Variants in CYFIP1 observed in about 807,000 individuals in gnomAD.
CYFIP1 encodes cytoplasmic FMR1 interacting protein 1, also known as cytoplasmic FMR1-interacting protein 1.
CYFIP1 carries 58 observed loss-of-function variants against 163.5 expected under a neutral mutation model. That is an observed-to-expected ratio of 0.35 (90% CI 0.29 to 0.44). The LOEUF is 0.44. Ranked by LOEUF, CYFIP1 falls within the 20% of genes least tolerant of loss-of-function variation. The pLI is 1.00. For synonymous variants in CYFIP1, 663 were observed against 660.7 expected, an observed-to-expected ratio of 1.00 and a Z score of -0.05; for missense variants, 1,338 against 1,653.8, an observed-to-expected ratio of 0.81 and a Z score of 3.31.
chr15:22,957,585 G>T (rs375397083), intron 1 of CYFIP1, among the ~76,000 whole-genome samples: 4 of 152,160 alleles, frequency 2.6e-5, no homozygotes, highest in Non-Finnish European at 5.9e-5. Flanking sequence ...GCAGTGAGCC[G>T]AGATCGTGTC....
At chr15:22,957,391 C>T (rs2062504020) in intron 1 of CYFIP1, among the ~76,000 whole-genome samples, 1 of 152,040 alleles carries the variant, frequency 6.6e-6, no homozygotes, top group South Asian at 2.1e-4. Context: ...AATCCCAGCA[C>T]TTTGGGAGGC....
intron 13 of CYFIP1, among the ~76,000 whole-genome samples, chr15:22,919,478 G>A (rs538128544): frequency 1.3e-5 from 2 of 152,244 alleles, no homozygotes; most frequent in African/African-American, 2.4e-5. Flanking sequence ...GCTTTCTTAC[G>A]GCTTTTGCCG....
chr15:22,918,703 G>A lies in CYFIP1; in HGVS notation c.1515C>T (p.Asn505=), dbSNP rs770508307. The part of the protein sequence containing the change: ...PLRQAIKKKK[N]VIQSVLQAIR... Reference sequence around the variant, plus strand: ...TGGGGAAGGCTGACCTCTGGATGACGTTCTTCTTCTTCTTGATGGCCTGCC... The same window carrying A: ...TGGGGAAGGCTGACCTCTGGATGACATTCTTCTTCTTCTTGATGGCCTGCC... The change falls in exon 14 of 31, where the codon AAC becomes AAT. Residue 505 remains asparagine (N), a synonymous_variant. Transcript: ENST00000617928. 13 of 1,601,290 alleles carry A rather than the reference G, an allele frequency of 8.1e-6. No homozygotes were observed. Among genetic ancestry groups the A allele is most frequent in the East Asian group, 2.2e-5 (1 of 44,540 alleles).
chr15:22,954,276 C>T (rs1156585407), intron 1 of CYFIP1, among the ~76,000 whole-genome samples: 1 of 152,066 alleles, frequency 6.6e-6, no homozygotes. Flanking sequence ...ACTCCCAGCT[C>T]CAGAACTGAG....
In CYFIP1 at chr15:22,873,703, G is replaced by A. The variant is rs1470909901; in HGVS notation, c.3237C>T (p.Asp1079=). The A allele has an allele frequency of 6.2e-7, 1 of 1,613,506 alleles. No homozygotes were observed. The highest frequency in any genetic ancestry group is 2.2e-5 in the East Asian group (1 of 44,880). ...AGCAGAGGCGCTCCTTTGTCAGCAG[G>A]TCCCCCTCTCTTGCGATGGCAATTT... ...PQQIAIAREG[D]LLTKERLCCG... The change falls in exon 29 of 31, where the codon GAC becomes GAT. Residue 1079 remains aspartate (D), a synonymous_variant. Transcript: ENST00000617928.
At chr15:22,888,911 C>T (rs2059994323) in intron 23 of CYFIP1, among the ~76,000 whole-genome samples, 1 of 151,848 alleles carries the variant, frequency 6.6e-6, no homozygotes, top group Non-Finnish European at 1.5e-5. Context: ...CGTGGTGGCA[C>T]ACTCCTGTAA....
chr15:22,893,315 C>T (rs1172780237), intron 22 of CYFIP1, among the ~76,000 whole-genome samples: 2 of 152,044 alleles, frequency 1.3e-5, no homozygotes, highest in Non-Finnish European at 2.9e-5. Context: ...CTGCCTGTGA[C>T]GAGAACGGCG....
intron 16 of CYFIP1, chr15:22,915,185 G>T: frequency 4.0e-6 from 1 of 249,418 alleles, no homozygotes; most frequent in East Asian, 8.2e-5. Context: ...GGCTGGAGGT[G>T]AGTGGCGCGA....
At chr15:22,912,001 C>T (rs145076763) in intron 18 of CYFIP1, among the ~76,000 whole-genome samples, 178 bp downstream of exon 18, 98 of 152,308 alleles carry the variant, frequency 6.4e-4, no homozygotes, top group South Asian at 1.4e-3. Flanking sequence ...AGTGAAAAAG[C>T]GCATCCTGCA....
intron 21 of CYFIP1, chr15:22,905,152 A>G (rs931693635): frequency 2.6e-5 from 4 of 152,142 alleles, no homozygotes; most frequent in Non-Finnish European, 5.9e-5. Flanking sequence ...TTTCACTGCA[A>G]TACCGTTTTT....
chr15:22,915,000 G>C (rs1595588366), intron 16 of CYFIP1, 118 bp from the exon 17 acceptor site: 2 of 1,112,360 alleles, frequency 1.8e-6, no homozygotes, highest in East Asian at 5.4e-5. Flanking sequence ...CCCAAGCCAT[G>C]CAGCATGGAC....
rs561972568 is a variant in CYFIP1, at chr15:22,888,008, C to T, written c.2676+4882G>A. The stretch of plus-strand genomic sequence containing the variant: ...TGAGCCTTCATCTGTGAAATGGGGA[C>T]AATCTTACTTATGAGATAAAGAATA... On this transcript the variant is annotated intron_variant, in intron 23 of 30. Transcript: ENST00000617928. Among the ~76,000 whole-genome samples the T allele has an allele frequency of 4.6e-5, 7 of 152,250 alleles. No individual in the cohort carries two copies. The South Asian group carries it at 6.2e-4, about 14-fold the overall frequency.
At position 22,872,579 on chromosome 15, in the gene CYFIP1, T is replaced by C. The variant is rs139446947; in HGVS notation, c.3597+246A>G. ...GTTGCCAATATTCTGACAATGCAGATCCTGTAAGACTGGAAGTAAATCTAA... is the reference window on the plus strand; with the variant it reads ...GTTGCCAATATTCTGACAATGCAGACCCTGTAAGACTGGAAGTAAATCTAA... On this transcript the variant is annotated intron_variant, in intron 30 of 30. Coordinates refer to ENST00000617928, the MANE Select transcript of CYFIP1 (RefSeq NM_014608.6). 1,010 of 458,954 alleles carry C rather than the reference T, an allele frequency of 2.2e-3. 3 individuals are homozygous for C. Among genetic ancestry groups the C allele is most frequent in the Non-Finnish European group, 3.4e-3 (858 of 254,078 alleles). 28.4% of individuals were successfully genotyped at this position (458,954 alleles called of 1,614,324 possible). A position where few individuals can be genotyped will look rare whatever the true frequency, so the allele number is the denominator to read the frequency against.
At chr15:22,930,652 A>T (rs2061510038) in intron 11 of CYFIP1, among the ~76,000 whole-genome samples, 1 of 152,092 alleles carries the variant, frequency 6.6e-6, no homozygotes, top group Non-Finnish European at 1.5e-5. Context: ...GCTCAAAAGG[A>T]AAAAAACAAA....
intron 22 of CYFIP1, among the ~76,000 whole-genome samples, chr15:22,900,620 C>G (rs1309556236): frequency 1.3e-5 from 2 of 151,732 alleles, no homozygotes; most frequent in Admixed American, 1.3e-4. Context: ...CCAGAATGGT[C>G]TTGGTCTCCT....
chr15:22,871,391 G>A (rs1258919753), intron 30 of CYFIP1, among the ~76,000 whole-genome samples: 3 of 152,344 alleles, frequency 2.0e-5, no homozygotes, highest in South Asian at 2.1e-4. Flanking sequence ...ACTTTAAAAA[G>A]TGAACTAATA....
At position 22,939,257 on chromosome 15, in the gene CYFIP1, G is replaced by T. The variant is rs1227893064; in HGVS notation, c.730C>A (p.Leu244Met). 6.2e-7 allele frequency: 1 copy of T among 1,614,068 alleles called. No homozygotes were observed. The highest frequency in any genetic ancestry group is 8.5e-7 in the Non-Finnish European group (1 of 1,180,038). Reference protein sequence around the residue: ...YEELLADIVNLCVDYYENRMY... With the variant: ...YEELLADIVNMCVDYYENRMY... ...CTGTTCTCGTAGTAATCCACACACA[G>T]ATTCACAATATCTGCCAGGAGCTCT... Residue 244 changes from leucine (L) to methionine (M), a missense_variant, in exon 8 of 31, where the codon CTG becomes ATG. Physicochemically the swap from Leu to Met is conservative, Grantham distance 15. Around this residue, in one of 4 missense-constraint regions of CYFIP1, gnomAD observed 824 missense variants for 995.7 expected, o/e 0.83. Coordinates refer to ENST00000617928, the MANE Select transcript of CYFIP1 (RefSeq NM_014608.6).
chr15:22,889,119 A>G (rs2060002884), intron 23 of CYFIP1, among the ~76,000 whole-genome samples: 2 of 152,226 alleles, frequency 1.3e-5, no homozygotes, highest in African/African-American at 4.8e-5. Context: ...AAACGACACA[A>G]ACAGTTTCTG....
chr15:22,978,312 AC>A (rs2063346242), intron 1 of CYFIP1, among the ~76,000 whole-genome samples: 1 of 133,424 alleles, frequency 7.5e-6, no homozygotes, highest in Non-Finnish European at 1.5e-5. Flanking sequence ...AGTTTGCGTC[AC>A]TGCACTCCAG....
Sources: allele counts gnomAD v4.1 joint callset (sites outside exome capture counted in the v4.1 genomes callset), GRCh38; gene constraint gnomAD v4.1.1; regional missense constraint gnomAD v4.1.1; transcripts MANE v1.5; gene names NCBI Gene and HGNC (gene_info 2026-07-23, HGNC 2026-07-21).